CELF4: variants seen among roughly 807,000 people sequenced by gnomAD.
CELF4 encodes CUGBP Elav-like family member 4.
CELF4 carries 18 observed loss-of-function variants against 59.9 expected under a neutral mutation model. The ratio of observed to expected loss-of-function variants is 0.30; its 90% CI spans 0.21 to 0.45. The LOEUF (loss-of-function observed/expected upper bound fraction) is 0.45, where lower values mean the gene tolerates loss of function less well. CELF4 is among the 20% of genes least tolerant of loss of function. The pLI is 1.00. For synonymous variants in CELF4, 261 were observed against 267.1 expected, an observed-to-expected ratio of 0.98 and a Z score of 0.22; for missense variants, 456 against 689.0, an observed-to-expected ratio of 0.66 and a Z score of 3.79.
chr18:37,396,779 C>A (rs2099250573), intron 2 of CELF4, among the ~76,000 whole-genome samples: 1 of 152,182 alleles, frequency 6.6e-6, no homozygotes, highest in African/African-American at 2.4e-5. Context: ...GGTGTGAACC[C>A]ATGACCTCAG....
chr18:37,321,117 G>A (rs1266993762), intron 3 of CELF4, among the ~76,000 whole-genome samples: 1 of 152,174 alleles, frequency 6.6e-6, no homozygotes, highest in Non-Finnish European at 1.5e-5. Context: ...CAGGCACTGT[G>A]CCAAGAGGAT....
intron 2 of CELF4, among the ~76,000 whole-genome samples, chr18:37,455,058 A>G (rs1010079415): frequency 5.3e-5 from 8 of 152,146 alleles, no homozygotes; most frequent in Non-Finnish European, 1.0e-4. Flanking sequence ...ACTTTAGGGG[A>G]AAAAAAATCC....
chr18:37,446,024 G>A (rs1005019075), intron 2 of CELF4, among the ~76,000 whole-genome samples: 5 of 152,204 alleles, frequency 3.3e-5, no homozygotes. Context: ...GAGGCTCAGA[G>A]TGGCGAGAGC....
At chr18:37,503,488 A>G (rs1485550061) in intron 1 of CELF4, among the ~76,000 whole-genome samples, 1 of 152,118 alleles carries the variant, frequency 6.6e-6, no homozygotes, top group Non-Finnish European at 1.5e-5. Flanking sequence ...CCTCCCTCAG[A>G]AGAGCCCCTT....
intron 2 of CELF4, among the ~76,000 whole-genome samples, chr18:37,443,191 C>T (rs905979729): frequency 6.6e-6 from 1 of 152,158 alleles, no homozygotes; most frequent in Non-Finnish European, 1.5e-5. Flanking sequence ...GGGGGCAACG[C>T]CCTAGCCTGT....
At position 37,346,545 on chromosome 18, in the gene CELF4, C is replaced by G. The variant is rs116716794; in HGVS notation, c.370-24664G>C. On this transcript the variant is annotated intron_variant, in intron 2 of 12. Transcript: ENST00000420428. Reference sequence around the variant, plus strand: ...GTCGGGTTCTTTGTGTGGATGAAGACACGCCAGGAGGTGGGGGGCAGGTAC... The same window carrying G: ...GTCGGGTTCTTTGTGTGGATGAAGAGACGCCAGGAGGTGGGGGGCAGGTAC... Among the ~76,000 whole-genome samples, 445 of 152,242 alleles carry G rather than the reference C, an allele frequency of 2.9e-3. 4 individuals carry two copies. The highest frequency in any genetic ancestry group is 0.01 in the African/African-American group (433 of 41,552).
intron 8 of CELF4, among the ~76,000 whole-genome samples, chr18:37,267,584 T>C (rs1662908): frequency 2.0e-5 from 3 of 151,916 alleles, no homozygotes; most frequent in African/African-American, 4.8e-5. Context: ...GATAACACGA[T>C]GTGGCAGGAA....
chr18:37,418,587 G>C (rs760187432), intron 2 of CELF4, among the ~76,000 whole-genome samples: 1 of 152,232 alleles, frequency 6.6e-6, no homozygotes, highest in Non-Finnish European at 1.5e-5. Context: ...CAGAATGTTT[G>C]GGTTCTGGCT....
chr18:37,292,320 A>G (rs999022240), intron 3 of CELF4, among the ~76,000 whole-genome samples: 1 of 152,204 alleles, frequency 6.6e-6, no homozygotes, highest in African/African-American at 2.4e-5. Context: ...GTACAGGTAC[A>G]TTTTAACAAG....
chr18:37,323,325 T>A (rs2097189180), intron 2 of CELF4, among the ~76,000 whole-genome samples: 1 of 151,582 alleles, frequency 6.6e-6, no homozygotes, highest in African/African-American at 2.4e-5. Flanking sequence ...CCACTTGACA[T>A]CCCTTATGGA....
chr18:37,313,067 G>T (rs1603448505), intron 3 of CELF4, among the ~76,000 whole-genome samples: 1 of 152,168 alleles, frequency 6.6e-6, no homozygotes, highest in East Asian at 1.9e-4. Flanking sequence ...CGGCTCTGAG[G>T]GGCAGACTCC....
At chr18:37,337,049 G>T (rs949552920) in intron 2 of CELF4, among the ~76,000 whole-genome samples, 5 of 152,166 alleles carry the variant, frequency 3.3e-5, no homozygotes, top group African/African-American at 1.2e-4. Flanking sequence ...AGGCCTGGTG[G>T]TCTGCCTGTC....
chr18:37,520,148 C>A (rs993194325), intron 1 of CELF4, among the ~76,000 whole-genome samples: 1 of 152,150 alleles, frequency 6.6e-6, no homozygotes, highest in Admixed American at 6.5e-5. Flanking sequence ...AGCTCGGGGC[C>A]CCTAAATTGG....
intron 1 of CELF4, among the ~76,000 whole-genome samples, chr18:37,493,734 C>T (rs1203423747): frequency 6.6e-6 from 1 of 152,100 alleles, no homozygotes; most frequent in African/African-American, 2.4e-5. Flanking sequence ...GAGGCTGCAG[C>T]CTGCTCTCCT....
At chr18:37,538,711 G>A (rs1302375409) in intron 1 of CELF4, among the ~76,000 whole-genome samples, 1 of 152,208 alleles carries the variant, frequency 6.6e-6, no homozygotes, top group Admixed American at 6.5e-5. Flanking sequence ...AGAGGGCAGT[G>A]TGAGGGAATA....
At position 37,275,147 on chromosome 18, in the gene CELF4, G is replaced by A. The variant is rs1178684510; in HGVS notation, c.545C>T (p.Thr182Ile). 6.2e-7 allele frequency: 1 copy of A among 1,613,360 alleles called. No homozygotes were observed. Among genetic ancestry groups the A allele is most frequent in the African/African-American group, 1.3e-5 (1 of 74,898 alleles). The change falls in exon 4 of 13, where the codon ACC becomes ATC. Residue 182 changes from threonine to isoleucine, a missense_variant. By Grantham distance (89) the Thr-to-Ile change is moderately conservative. Around this residue, in one of 7 missense-constraint regions of CELF4, gnomAD observed 56 missense variants for 92.0 expected, o/e 0.61. Transcript: ENST00000420428. ...FEAFGNIEEC[T>I]ILRGPDGNSK... ...GTTGCCGTCGGGCCCGCGCAGGATG[G>A]TGCACTCCTCGATGTTCCCAAAGGC...
intron 2 of CELF4, among the ~76,000 whole-genome samples, chr18:37,463,334 C>T (rs2099798955): frequency 6.6e-6 from 1 of 152,140 alleles, no homozygotes; most frequent in Non-Finnish European, 1.5e-5. Context: ...CCAGGCAACT[C>T]CCCAGAGCCC....
chr18:37,352,867 G>T (rs1156536342), intron 2 of CELF4, among the ~76,000 whole-genome samples: 1 of 152,124 alleles, frequency 6.6e-6, no homozygotes, highest in Non-Finnish European at 1.5e-5. Flanking sequence ...GTGCAGAGTG[G>T]GACGGGGTGG....
intron 2 of CELF4, among the ~76,000 whole-genome samples, chr18:37,357,039 G>T (rs546798317): frequency 6.6e-5 from 10 of 152,258 alleles, no homozygotes; most frequent in African/African-American, 1.9e-4. Context: ...TCCACCACTC[G>T]CTTCACTGGG....
Sources: allele counts gnomAD v4.1 joint callset (sites outside exome capture counted in the v4.1 genomes callset), GRCh38; gene constraint gnomAD v4.1.1; regional missense constraint gnomAD v4.1.1; transcripts MANE v1.5; gene names NCBI Gene and HGNC (gene_info 2026-07-23, HGNC 2026-07-21).